Variants in SDK1 observed in about 807,000 individuals in gnomAD.
SDK1 encodes the protein protein sidekick-1.
Under a neutral mutation model 245.5 loss-of-function variants are expected in SDK1, and 157 were observed. The ratio of observed to expected loss-of-function variants is 0.64; its 90% CI spans 0.56 to 0.73. The LOEUF is 0.73. SDK1 is among the 30% of genes least tolerant of loss of function. SDK1 has a pLI of 0.00. For missense variants in SDK1, 3,583 were observed against 3,002.3 expected (o/e 1.19, Z -4.52); for synonymous variants, 1,647 against 1,278.5 (o/e 1.29, Z -6.15).
At chr7:4,222,803 G>A (rs1245102298) in intron 40 of SDK1, among the ~76,000 whole-genome samples, 1 of 152,200 alleles carries the variant, frequency 6.6e-6, no homozygotes, top group Non-Finnish European at 1.5e-5. Flanking sequence ...GGGGCCTCCT[G>A]TGGTCACTGC....
At chr7:3,339,191 A>G (rs1780280575) in intron 1 of SDK1, among the ~76,000 whole-genome samples, 1 of 152,202 alleles carries the variant, frequency 6.6e-6, no homozygotes, top group Non-Finnish European at 1.5e-5. Context: ...ATTAATAAAG[A>G]CAGAGGCATA....
chr7:4,030,707 C>T (rs1412565353), intron 17 of SDK1, among the ~76,000 whole-genome samples: 3 of 152,186 alleles, frequency 2.0e-5, no homozygotes, highest in East Asian at 1.9e-4. Context: ...CTGAATGGAG[C>T]GTATGTATTC....
chr7:3,354,685 T>C (rs1425306296), intron 1 of SDK1, among the ~76,000 whole-genome samples: 1 of 152,358 alleles, frequency 6.6e-6, no homozygotes, highest in Admixed American at 6.5e-5. Context: ...AATATTGACT[T>C]TATAGGTCTT....
intron 1 of SDK1, among the ~76,000 whole-genome samples, chr7:3,612,144 C>G (rs1404767095): frequency 1.3e-5 from 2 of 152,136 alleles, no homozygotes; most frequent in African/African-American, 4.8e-5. Context: ...ACAGTGTACA[C>G]TGCTCAGGTG....
At chr7:3,420,409 A>G (rs1779504518) in intron 1 of SDK1, among the ~76,000 whole-genome samples, 1 of 152,138 alleles carries the variant, frequency 6.6e-6, no homozygotes, top group South Asian at 2.1e-4. Context: ...TTTCTCACCA[A>G]TTTTTCTTTC....
At chr7:3,587,286 C>T (rs1009494241) in intron 1 of SDK1, among the ~76,000 whole-genome samples, 2 of 144,856 alleles carry the variant, frequency 1.4e-5, no homozygotes, top group Non-Finnish European at 3.0e-5. Context: ...TCAAGATTCT[C>T]CAGAGAAACA....
intron 1 of SDK1, among the ~76,000 whole-genome samples, chr7:3,517,348 G>C (rs1782786261): frequency 6.6e-6 from 1 of 152,172 alleles, no homozygotes; most frequent in Admixed American, 6.5e-5. Flanking sequence ...TATTTTAGCT[G>C]ATTTTTGTCT....
intron 5 of SDK1, among the ~76,000 whole-genome samples, chr7:3,839,133 C>T (rs1034348096): frequency 6.6e-6 from 1 of 152,186 alleles, no homozygotes; most frequent in Admixed American, 6.5e-5. Context: ...CGCCTGAGAA[C>T]ACGCCTGGGG....
At chr7:4,161,893 G>A in intron 32 of SDK1, 37 bp downstream of exon 32, 2 of 1,571,812 alleles carry the variant, frequency 1.3e-6, no homozygotes, top group African/African-American at 1.3e-5. Flanking sequence ...TTTGTCAAAT[G>A]TGTTCTCATT....
chr7:3,548,722 C>T (rs1779308309), intron 1 of SDK1, among the ~76,000 whole-genome samples: 1 of 152,178 alleles, frequency 6.6e-6, no homozygotes, highest in Non-Finnish European at 1.5e-5. Flanking sequence ...CACTATTTTT[C>T]TCTTCAGACC....
At chr7:3,579,684 G>T (rs576085698) in intron 1 of SDK1, among the ~76,000 whole-genome samples, 1 of 151,538 alleles carries the variant, frequency 6.6e-6, no homozygotes, top group Admixed American at 6.6e-5. Flanking sequence ...TCCTGGTTGT[G>T]GAAACAAGGG....
At chr7:3,763,534 C>T (rs570814649) in intron 4 of SDK1, among the ~76,000 whole-genome samples, 5 of 152,306 alleles carry the variant, frequency 3.3e-5, no homozygotes, top group South Asian at 2.1e-4. Flanking sequence ...CATCAGTACA[C>T]GTTGCCCCTA....
chr7:4,108,945 CT>C (rs1391970357), intron 22 of SDK1, among the ~76,000 whole-genome samples: 1 of 152,146 alleles, frequency 6.6e-6, no homozygotes, highest in African/African-American at 2.4e-5. Context: ...TTGGGTCAGG[CT>C]TGCTTAGCTT....
intron 20 of SDK1, among the ~76,000 whole-genome samples, chr7:4,075,371 C>T (rs2128176571): frequency 6.6e-6 from 1 of 152,320 alleles, no homozygotes; most frequent in African/African-American, 2.4e-5. Flanking sequence ...ATGCTGTCCT[C>T]TAAATTCTTG....
chr7:4,005,177 C>G (rs569853293), intron 14 of SDK1, among the ~76,000 whole-genome samples: 2 of 150,660 alleles, frequency 1.3e-5, no homozygotes, highest in South Asian at 4.2e-4. Context: ...TCCCAAGTAG[C>G]TGGGAATACA....
intron 4 of SDK1, among the ~76,000 whole-genome samples, chr7:3,657,948 C>T (rs894128663): frequency 1.3e-5 from 2 of 152,108 alleles, no homozygotes; most frequent in African/African-American, 2.4e-5. Context: ...TCATCATTTT[C>T]GTGAATGTTT....
intron 4 of SDK1, among the ~76,000 whole-genome samples, chr7:3,747,156 C>A (rs958308461): frequency 1.3e-5 from 2 of 152,142 alleles, no homozygotes; most frequent in Non-Finnish European, 2.9e-5. Context: ...GAGAAAAATC[C>A]AGGCATGATA....
intron 20 of SDK1, among the ~76,000 whole-genome samples, chr7:4,076,391 A>G (rs1780680320): frequency 1.3e-5 from 2 of 152,124 alleles, no homozygotes; most frequent in South Asian, 4.2e-4. Flanking sequence ...CCATCTCTCC[A>G]AAAAAATACA....
At chr7:3,942,883 G>C (rs546750369) in intron 5 of SDK1, among the ~76,000 whole-genome samples, 1 of 152,314 alleles carries the variant, frequency 6.6e-6, no homozygotes, top group African/African-American at 2.4e-5. Flanking sequence ...TGTCCACTTG[G>C]AGGTTATGCC....
Sources: allele counts gnomAD v4.1 joint callset (sites outside exome capture counted in the v4.1 genomes callset), GRCh38; gene constraint gnomAD v4.1.1; transcripts MANE v1.5; gene names NCBI Gene and HGNC (gene_info 2026-07-23, HGNC 2026-07-21).